PRKCE: variants seen among roughly 807,000 people sequenced by gnomAD.
PRKCE encodes protein kinase C epsilon type.
A neutral mutation model predicts 85.4 loss-of-function variants in PRKCE; 16 were observed. The ratio of observed to expected loss-of-function variants is 0.19; its 90% CI spans 0.13 to 0.28. The LOEUF is 0.28. PRKCE is among the 10% of genes least tolerant of loss of function. The pLI is 1.00. For synonymous variants in PRKCE, 388 were observed against 371.5 expected (o/e 1.04, Z -0.51); for missense variants, 573 against 975.2 (o/e 0.59, Z 5.49).
chr2:46,184,460 C>CGT lies in PRKCE; in HGVS notation c.2068-275_2068-274insGT, dbSNP rs1418279668. On this transcript the variant is annotated intron_variant, in intron 14 of 14. Coordinates refer to ENST00000306156, the MANE Select transcript of PRKCE (RefSeq NM_005400.3). This position sits in a 1 kb window ranked among gnomAD's most constrained non-coding sequence, Gnocchi z 5.0. Reference sequence around the variant, plus strand: ...ACACACACACACACACACACACACACACGTCTGTGGGAATCCCACTTCCCT... The same window carrying CGT: ...ACACACACACACACACACACACACACGTACGTCTGTGGGAATCCCACTTCCCT... Among the ~76,000 whole-genome samples the CGT allele has an allele frequency of 2.0e-5, 3 of 151,816 alleles. No individual in the cohort carries two copies. Among genetic ancestry groups the CGT allele is most frequent in the African/African-American group, 7.3e-5 (3 of 41,288 alleles).
chr2:45,868,474 C>T (rs1011685558), intron 2 of PRKCE, among the ~76,000 whole-genome samples: 5 of 151,294 alleles, frequency 3.3e-5, no homozygotes, highest in Admixed American at 1.3e-4. Context: ...CAGGCACCTG[C>T]CACCACGCCT....
intron 14 of PRKCE, among the ~76,000 whole-genome samples, chr2:46,180,031 G>T (rs545533809): frequency 6.6e-6 from 1 of 152,302 alleles, no homozygotes; most frequent in East Asian, 1.9e-4. Context: ...CTAGGCTGGG[G>T]ATAGAATGGT....
At chr2:46,175,313 A>T (rs1243191611) in intron 14 of PRKCE, among the ~76,000 whole-genome samples, 1 of 152,198 alleles carries the variant, frequency 6.6e-6, no homozygotes, top group East Asian at 1.9e-4. Flanking sequence ...GGCCTAGGTG[A>T]AACAATGATT....
intron 1 of PRKCE, among the ~76,000 whole-genome samples, chr2:45,722,419 T>C (rs1247739667): frequency 6.6e-6 from 1 of 152,182 alleles, no homozygotes; most frequent in Non-Finnish European, 1.5e-5. Context: ...AGCGTTAGTA[T>C]TATTGTAAGA....
chr2:46,125,119 A>G (rs1673720605), intron 11 of PRKCE, among the ~76,000 whole-genome samples: 1 of 152,236 alleles, frequency 6.6e-6, no homozygotes, highest in South Asian at 2.1e-4. Context: ...TAAGCTTTAG[A>G]AAATTGGAAT....
At chr2:46,093,403 GTT>G (rs34795658) in intron 11 of PRKCE, among the ~76,000 whole-genome samples, 68 of 146,090 alleles carry the variant, frequency 4.7e-4, no homozygotes, top group East Asian at 1.0e-3. Flanking sequence ...TAAAAAAGCA[GTT>G]TTTTTTTTTT....
intron 1 of PRKCE, among the ~76,000 whole-genome samples, chr2:45,720,906 A>C (rs1180030589): frequency 6.6e-6 from 1 of 152,156 alleles, no homozygotes; most frequent in African/African-American, 2.4e-5. Context: ...CAGGAGTTCG[A>C]GACCAGCCTG....
At chr2:45,745,911 T>C (rs1026857275) in intron 1 of PRKCE, among the ~76,000 whole-genome samples, 1 of 152,258 alleles carries the variant, frequency 6.6e-6, no homozygotes, top group South Asian at 2.1e-4. Flanking sequence ...ATGGATGGCC[T>C]AATAGGTCAT....
chr2:45,968,651 G>A (rs1701896162), intron 2 of PRKCE, among the ~76,000 whole-genome samples: 1 of 152,166 alleles, frequency 6.6e-6, no homozygotes. Context: ...TTTAGAAAAA[G>A]AAATTATCTG....
chr2:46,108,141 G>T (rs11525713), intron 11 of PRKCE, among the ~76,000 whole-genome samples: 109,891 of 152,086 alleles, frequency 0.72, 40,530 homozygotes, highest in East Asian at 0.95. Flanking sequence ...TTGCCCAGGC[G>T]GGTCTCTAAC....
intron 2 of PRKCE, among the ~76,000 whole-genome samples, chr2:45,887,968 G>A (rs1695422586): frequency 6.6e-6 from 1 of 152,130 alleles, no homozygotes; most frequent in Non-Finnish European, 1.5e-5. Flanking sequence ...TAGGAGAGGT[G>A]GGCACACTAG....
At chr2:46,131,919 A>T (rs1674500216) in intron 11 of PRKCE, among the ~76,000 whole-genome samples, 1 of 152,192 alleles carries the variant, frequency 6.6e-6, no homozygotes, top group Admixed American at 6.5e-5. Context: ...ACCCTGATAC[A>T]CAATGCCTCT....
chr2:46,176,533 T>C (rs1169050544), intron 14 of PRKCE, among the ~76,000 whole-genome samples: 1 of 152,230 alleles, frequency 6.6e-6, no homozygotes, highest in Non-Finnish European at 1.5e-5. Context: ...GAAGTTTCTA[T>C]AAATTCTTAA....
chr2:45,962,504 C>T (rs1280482156), intron 2 of PRKCE, among the ~76,000 whole-genome samples: 1 of 152,106 alleles, frequency 6.6e-6, no homozygotes, highest in Non-Finnish European at 1.5e-5. Flanking sequence ...TTTTTGTTCC[C>T]CTCTTGGCAG....
intron 11 of PRKCE, among the ~76,000 whole-genome samples, chr2:46,133,490 G>T (rs1189812896): frequency 6.6e-6 from 1 of 152,148 alleles, no homozygotes; most frequent in East Asian, 1.9e-4. Flanking sequence ...ACTCTAAGTA[G>T]AAACTCAATA....
chr2:45,691,801 C>G (rs1376432269), intron 1 of PRKCE, among the ~76,000 whole-genome samples: 1 of 152,214 alleles, frequency 6.6e-6, no homozygotes, highest in African/African-American at 2.4e-5. Context: ...AGGCGGCACT[C>G]TTTCCTGTAG....
chr2:46,032,181 C>T lies in PRKCE; in HGVS notation c.1437+21664C>T, dbSNP rs114787392. On this transcript the variant is annotated intron_variant, in intron 10 of 14. Transcript: ENST00000306156. ...AAATTGCTTTACAAAGTCCTTTGTC[C>T]ATGATCTTACTTTATCTTCATGGTG... Among the ~76,000 whole-genome samples, 599 of 152,114 alleles carry T rather than the reference C, an allele frequency of 3.9e-3. 7 individuals carry two copies. Among genetic ancestry groups the T allele is most frequent in the African/African-American group, 0.014 (573 of 41,542 alleles).
Position 45,895,584 on chromosome 2 carries a change from CT to C in PRKCE, c.412+52522del, listed in dbSNP as rs1371179985. On this transcript the variant is annotated intron_variant, in intron 2 of 14. Coordinates refer to ENST00000306156, the MANE Select transcript of PRKCE (RefSeq NM_005400.3). This position sits in a 1 kb window ranked among gnomAD's most constrained non-coding sequence, Gnocchi z 4.8. ...TTGGTTAGAGGAAAAAAATGCTTTT[CT>C]GAGTTTATGCAAAATGATCATGTTT... Among the ~76,000 whole-genome samples the C allele has an allele frequency of 1.3e-5, 2 of 152,194 alleles. No homozygotes were observed. Among genetic ancestry groups the C allele is most frequent in the Non-Finnish European group, 2.9e-5 (2 of 68,018 alleles).
At position 46,145,157 on chromosome 2, in the gene PRKCE, A is replaced by T; in HGVS notation, c.1657A>T (p.Met553Leu). The change falls in exon 12 of 15, where the codon ATG becomes TTG. Residue 553 changes from methionine (M) to leucine (L), a missense_variant. Around this residue, in one of 11 missense-constraint regions of PRKCE, gnomAD observed 15 missense variants for 42.2 expected, o/e 0.36. Coordinates refer to ENST00000306156, the MANE Select transcript of PRKCE (RefSeq NM_005400.3). This position sits in a 1 kb window ranked among gnomAD's most constrained non-coding sequence, Gnocchi z 4.6. ...TCACTGCAAGCTGGCTGACTTCGGG[A>T]TGTGCAAGGAAGGGATTCTGAATGG... The part of the protein sequence containing the change: ...EGHCKLADFG[M>L]CKEGILNGVT... The T allele has an allele frequency of 6.3e-7, 1 of 1,599,700 alleles. No individual in the cohort carries two copies. The highest frequency in any genetic ancestry group is 8.5e-7 in the Non-Finnish European group (1 of 1,179,942).
Sources: gnomAD v4.1 joint callset for allele counts (sites outside exome capture counted in the v4.1 genomes callset) on GRCh38, gnomAD v4.1.1 for gene constraint, gnomAD v4.1.1 regional missense constraint, Gnocchi (gnomAD v3.1) non-coding constraint, MANE v1.5 for transcripts, NCBI Gene and HGNC (gene_info 2026-07-23, HGNC 2026-07-21) for gene names.